Variants in TMEM38B observed in about 807,000 individuals in gnomAD.
The protein encoded by TMEM38B is transmembrane protein 38B, also known as trimeric intracellular cation channel type B.
Under a neutral mutation model 28.7 loss-of-function variants are expected in TMEM38B, and 24 were observed. The observed-to-expected ratio is 0.84, with a 90% CI of 0.61 to 1.18. The LOEUF is 1.18. TMEM38B is among the 50% of genes most tolerant of loss of function. The pLI is 0.00. For missense variants in TMEM38B, 380 were observed against 350.9 expected, an observed-to-expected ratio of 1.08 and a Z score of -0.66; for synonymous variants, 131 against 127.7, an observed-to-expected ratio of 1.03 and a Z score of -0.17.
At chr9:105,744,710 A>G (rs1335963631) in intron 4 of TMEM38B, among the ~76,000 whole-genome samples, 1 of 152,040 alleles carries the variant, frequency 6.6e-6, no homozygotes, top group Non-Finnish European at 1.5e-5. Flanking sequence ...AACATTAGGT[A>G]TATCTCCTAA....
chr9:105,738,124 C>T (rs753655904), intron 4 of TMEM38B, among the ~76,000 whole-genome samples: 1 of 152,064 alleles, frequency 6.6e-6, no homozygotes, highest in East Asian at 1.9e-4. Flanking sequence ...GGTTGGGCTA[C>T]AGAAGATGAG....
intron 5 of TMEM38B, among the ~76,000 whole-genome samples, chr9:105,769,068 C>T (rs962530748): frequency 6.6e-6 from 1 of 152,130 alleles, no homozygotes; most frequent in Non-Finnish European, 1.5e-5. Context: ...TGATAAAATA[C>T]TTACAACATA....
chr9:105,733,993 G>A (rs181085462), intron 4 of TMEM38B, among the ~76,000 whole-genome samples: 2 of 150,684 alleles, frequency 1.3e-5, no homozygotes, highest in African/African-American at 4.9e-5. Context: ...CTAATTTTGG[G>A]TTTACTTTGT....
At chr9:105,763,250 C>A (rs559246958) in intron 5 of TMEM38B, among the ~76,000 whole-genome samples, 59 of 152,238 alleles carry the variant, frequency 3.9e-4, no homozygotes, top group African/African-American at 1.3e-3. Context: ...TGTGCAGAAG[C>A]TCTTTAGTTT....
rs536771259 is a variant in TMEM38B at position 105,746,722 on chromosome 9, A to G, written c.543-1351A>G. On this transcript the variant is annotated intron_variant, in intron 4 of 5. Transcript: ENST00000374692. ...TGATATTGGCTGTGGGTTTGTCATA[A>G]ATAGCTCTTATTATTTTGAGATGCG... Among the ~76,000 whole-genome samples the G allele has an allele frequency of 2.0e-5, 3 of 152,246 alleles. No homozygotes were observed. The East Asian group carries it at 5.8e-4, about 29-fold the overall frequency.
chr9:105,748,089 C>G lies in TMEM38B; in HGVS notation c.559C>G (p.Leu187Val). ...LKMSYPAKVT[L>V]LGSVIFTFQH... ...TATTTTCAGCCCTGCCAAGGTAACC[C>G]TGCTGGGGTCAGTTATCTTCACATT... Residue 187 changes from leucine to valine, a missense_variant, in exon 5 of 6, where the codon CTG becomes GTG. Physicochemically the swap from Leu to Val is conservative, Grantham distance 32. Coordinates refer to ENST00000374692, the MANE Select transcript of TMEM38B (RefSeq NM_018112.3). 2 of 1,613,100 alleles carry G rather than the reference C, an allele frequency of 1.2e-6. No homozygotes were observed. The highest frequency in any genetic ancestry group is 1.7e-6 in the Non-Finnish European group (2 of 1,179,338).
chr9:105,770,338 T>A (rs1826503863), intron 5 of TMEM38B, among the ~76,000 whole-genome samples: 1 of 152,140 alleles, frequency 6.6e-6, no homozygotes, highest in Non-Finnish European at 1.5e-5. Context: ...TTGAGTCTAG[T>A]GTATATAGTT....
At chr9:105,721,402 GA>G in intron 2 of TMEM38B, 134 bp from the exon 3 acceptor site, 2 of 689,744 alleles carry the variant, frequency 2.9e-6, no homozygotes, top group Non-Finnish European at 4.6e-6. Flanking sequence ...TGCTTTTATT[GA>G]AATCAAGTTA....
chr9:105,767,918 G>GC (rs1564419988), intron 5 of TMEM38B, among the ~76,000 whole-genome samples: 1 of 151,938 alleles, frequency 6.6e-6, no homozygotes, highest in Non-Finnish European at 1.5e-5. Flanking sequence ...CCCGGATGCT[G>GC]TTTTTTTCCT....
At chr9:105,735,161 C>T (rs1368719730) in intron 4 of TMEM38B, among the ~76,000 whole-genome samples, 1 of 152,098 alleles carries the variant, frequency 6.6e-6, no homozygotes, top group Non-Finnish European at 1.5e-5. Context: ...CTTAACTTTA[C>T]TCACATAAAA....
intron 4 of TMEM38B, among the ~76,000 whole-genome samples, chr9:105,740,803 A>G (rs975550637): frequency 6.6e-6 from 1 of 152,230 alleles, no homozygotes; most frequent in African/African-American, 2.4e-5. Context: ...TTAACATAAA[A>G]GAAACTTCTA....
intron 4 of TMEM38B, among the ~76,000 whole-genome samples, chr9:105,729,092 C>T (rs953763166): frequency 6.6e-6 from 1 of 152,142 alleles, no homozygotes; most frequent in African/African-American, 2.4e-5. Flanking sequence ...TAATTAGATC[C>T]CATTTGTCAA....
At chr9:105,698,237 ATATT>A (rs1354635850) in intron 1 of TMEM38B, among the ~76,000 whole-genome samples, 1 of 151,586 alleles carries the variant, frequency 6.6e-6, no homozygotes. Flanking sequence ...AGCCTCTTAT[ATATT>A]AAAGAGTGTT....
At chr9:105,734,736 A>G (rs532829362) in intron 4 of TMEM38B, among the ~76,000 whole-genome samples, 3 of 152,210 alleles carry the variant, frequency 2.0e-5, no homozygotes, top group East Asian at 3.9e-4. Flanking sequence ...TTTATCTGAT[A>G]TACGTATACC....
rs2133618795 is a variant in TMEM38B, at chr9:105,748,193, A to G, written c.660+3A>G. 6.3e-7 allele frequency: 1 copy of G among 1,583,390 alleles called. No individual in the cohort carries two copies. The highest frequency in any genetic ancestry group is 2.2e-5 in the East Asian group (1 of 44,684). The stretch of plus-strand genomic sequence containing the variant: ...CCATCTTTATTGTGGCCACAAAGGT[A>G]AGAATTCAAAGTACCTATAATTATT... On this transcript the variant is annotated splice_donor_region_variant and intron_variant, in intron 5 of 5. Coordinates refer to ENST00000374692, the MANE Select transcript of TMEM38B (RefSeq NM_018112.3).
intron 5 of TMEM38B, among the ~76,000 whole-genome samples, chr9:105,757,267 A>G (rs932097370): frequency 1.3e-5 from 2 of 152,186 alleles, no homozygotes; most frequent in African/African-American, 4.8e-5. Context: ...GCTGATTAGT[A>G]TTCCATGGTG....
At chr9:105,713,549 G>T (rs1441128937) in intron 2 of TMEM38B, among the ~76,000 whole-genome samples, 1 of 152,218 alleles carries the variant, frequency 6.6e-6, no homozygotes, top group Non-Finnish European at 1.5e-5. Context: ...AGTGCGGGAG[G>T]GGAAACTGAG....
intron 1 of TMEM38B, among the ~76,000 whole-genome samples, chr9:105,703,043 T>G (rs1246304459): frequency 6.6e-6 from 1 of 152,242 alleles, no homozygotes; most frequent in Non-Finnish European, 1.5e-5. Context: ...CATCTTATAT[T>G]TGGAATTAGA....
At chr9:105,730,617 T>C (rs1017360239) in intron 4 of TMEM38B, among the ~76,000 whole-genome samples, 9 of 152,226 alleles carry the variant, frequency 5.9e-5, no homozygotes, top group Non-Finnish European at 1.0e-4. Flanking sequence ...TTTCTGTTGA[T>C]TAGAATAGTT....
Sources: gnomAD v4.1 joint callset for allele counts (sites outside exome capture counted in the v4.1 genomes callset) on GRCh38, gnomAD v4.1.1 for gene constraint, MANE v1.5 for transcripts, NCBI Gene and HGNC (gene_info 2026-07-23, HGNC 2026-07-21) for gene names.